The following CACNA1B variants were observed in gnomAD, a reference collection of about 807,000 sequenced individuals.
CACNA1B encodes the protein calcium voltage-gated channel subunit alpha1 B, also known as voltage-dependent N-type calcium channel subunit alpha-1B.
CACNA1B carries 70 observed loss-of-function variants against 247.2 expected under a neutral mutation model. The observed-to-expected ratio is 0.28, with a 90% confidence interval of 0.23 to 0.35. The LOEUF is 0.35. CACNA1B is among the 10% of genes least tolerant of loss of function. CACNA1B has a pLI of 1.00. For missense variants in CACNA1B, 2,367 were observed against 3,197.4 expected, an observed-to-expected ratio of 0.74 and a Z score of 6.26; for synonymous variants, 1,231 against 1,294.4, an observed-to-expected ratio of 0.95 and a Z score of 1.05.
At chr9:137,893,717 A>G (rs1279609133) in intron 3 of CACNA1B, among the ~76,000 whole-genome samples, 2 of 152,174 alleles carry the variant, frequency 1.3e-5, no homozygotes. Context: ...CTAATTATAG[A>G]TTCATAATAG....
intron 12 of CACNA1B, among the ~76,000 whole-genome samples, chr9:137,983,708 G>T (rs777795288): frequency 1.3e-5 from 2 of 152,148 alleles, no homozygotes; most frequent in East Asian, 3.8e-4. Context: ...TTGCTAGTCT[G>T]TGAGAGAACA....
intron 3 of CACNA1B, among the ~76,000 whole-genome samples, chr9:137,905,868 C>T (rs768068509): frequency 9.9e-5 from 15 of 152,210 alleles, no homozygotes; most frequent in Non-Finnish European, 1.5e-4. Context: ...ATGGAGGTGT[C>T]CTGCCCTTGT....
intron 6 of CACNA1B, among the ~76,000 whole-genome samples, chr9:137,921,180 A>G (rs1957472817): frequency 6.6e-6 from 1 of 152,256 alleles, no homozygotes; most frequent in African/African-American, 2.4e-5. Context: ...TCCAGCACTC[A>G]GAGGTCCAGT....
chr9:138,050,631 T>C lies in CACNA1B; in HGVS notation c.3710+1316T>C, dbSNP rs1481765901. 6.6e-6 allele frequency among the ~76,000 whole-genome samples: 1 copy of C among 151,914 alleles called. No individual in the cohort carries two copies. Among genetic ancestry groups the C allele is most frequent in the African/African-American group, 2.4e-5 (1 of 41,346 alleles). Reference sequence around the variant, plus strand: ...CCCCAGTCAGGAGGAGGGGAAGGGGTTGGGCCCATCCAGGCGGCTTCAGAG... The same window carrying C: ...CCCCAGTCAGGAGGAGGGGAAGGGGCTGGGCCCATCCAGGCGGCTTCAGAG... On this transcript the variant is annotated intron_variant, in intron 24 of 46. Transcript: ENST00000371372. This position sits in a 1 kb window ranked among gnomAD's most constrained non-coding sequence, Gnocchi z 5.2.
intron 6 of CACNA1B, among the ~76,000 whole-genome samples, chr9:137,920,687 G>A (rs1957467471): frequency 6.6e-6 from 1 of 152,314 alleles, no homozygotes; most frequent in South Asian, 2.1e-4. Flanking sequence ...TTATGATTAT[G>A]CACGTATGCT....
intron 20 of CACNA1B, among the ~76,000 whole-genome samples, chr9:138,027,327 A>G (rs1958933256): frequency 6.6e-6 from 1 of 152,094 alleles, no homozygotes; most frequent in African/African-American, 2.4e-5. Flanking sequence ...ATTAGTTTTT[A>G]TATGTTGATT....
intron 19 of CACNA1B, among the ~76,000 whole-genome samples, chr9:138,024,555 G>T (rs1396946219): frequency 6.6e-6 from 1 of 152,220 alleles, no homozygotes; most frequent in Non-Finnish European, 1.5e-5. Context: ...CAGAGTAGCA[G>T]AGCAGGTGGT....
At chr9:137,949,880 C>G (rs560604371) in intron 6 of CACNA1B, among the ~76,000 whole-genome samples, 3 of 152,166 alleles carry the variant, frequency 2.0e-5, no homozygotes, top group Admixed American at 6.5e-5. Context: ...GTGTACTTGA[C>G]CAAGTATCTG....
chr9:138,009,298 A>T (rs1178077041), intron 16 of CACNA1B, among the ~76,000 whole-genome samples: 3 of 152,242 alleles, frequency 2.0e-5, no homozygotes, highest in Non-Finnish European at 4.4e-5. Context: ...GGCAAGGTGC[A>T]GTCCCAGGAA....
Position 138,078,181 on chromosome 9 carries a change from C to G in CACNA1B, c.5017C>G (p.Gln1673Glu), listed in dbSNP as rs774233126. The change falls in exon 36 of 47, where the codon CAG becomes GAG. Residue 1673 changes from glutamine to glutamate, a missense_variant. Gln to Glu is a conservative substitution (Grantham distance 29). Transcript: ENST00000371372. Reference protein sequence around the residue: ...SCLSNQACDEQANATECGSDF... With the variant: ...SCLSNQACDEEANATECGSDF... ...CCTGAGCAACCAGGCCTGTGATGAG[C>G]AGGCCAATGCCACCGAGTGTGGAAG... The G allele has an allele frequency of 1.9e-6, 3 of 1,613,768 alleles. No individual in the cohort carries two copies. Among genetic ancestry groups the G allele is most frequent in the South Asian group, 1.1e-5 (1 of 91,086 alleles).
intron 44 of CACNA1B, 57 bp from the exon 45 acceptor site, chr9:138,120,108 G>C: frequency 7.0e-7 from 1 of 1,426,276 alleles, no homozygotes; most frequent in Non-Finnish European, 9.6e-7. Flanking sequence ...TTCCATGCCT[G>C]CATTCCCGCT....
intron 20 of CACNA1B, among the ~76,000 whole-genome samples, chr9:138,042,167 G>C (rs1959132103): frequency 6.6e-6 from 1 of 152,070 alleles, no homozygotes; most frequent in African/African-American, 2.4e-5. Flanking sequence ...TTTTGTTATT[G>C]TAAAAAAACT....
chr9:137,919,972 T>C lies in CACNA1B; in HGVS notation c.966+2541T>C, dbSNP rs923059875. Among the ~76,000 whole-genome samples, 4 of 152,168 alleles carry C rather than the reference T, an allele frequency of 2.6e-5. No homozygotes were observed. The highest frequency in any genetic ancestry group is 4.4e-5 in the Non-Finnish European group (3 of 68,032). Reference sequence around the variant, plus strand: ...GAGAGACGAGTCGGCAGTAAATTCCTGTTAGGTCCAGAGAGGTGAGATCAT... The same window carrying C: ...GAGAGACGAGTCGGCAGTAAATTCCCGTTAGGTCCAGAGAGGTGAGATCAT... On this transcript the variant is annotated intron_variant, in intron 6 of 46. Transcript: ENST00000371372. This position sits in a 1 kb window ranked among gnomAD's most constrained non-coding sequence, Gnocchi z 4.6.
intron 36 of CACNA1B, among the ~76,000 whole-genome samples, chr9:138,092,897 G>C (rs935239931): frequency 6.6e-6 from 1 of 152,198 alleles, no homozygotes; most frequent in African/African-American, 2.4e-5. Context: ...TGCACAGCCA[G>C]TGAAATAATC....
In CACNA1B at chr9:138,047,539, GA is replaced by G. The variant is rs1419338380; in HGVS notation, c.3603+83del. On this transcript the variant is annotated intron_variant, in intron 23 of 46. Transcript: ENST00000371372. ...TTGAGATGGGACCAGGGCAGTGGTT[GA>G]ACCACAATTTCTATAAACTCTTAAG... The G allele has an allele frequency of 4.1e-6, 4 of 964,612 alleles. No homozygotes were observed. The African/African-American group carries it at 6.4e-5, about 16-fold the overall frequency. The allele number at this position is 964,612 out of a possible 1,614,324, so 59.8% of individuals were successfully genotyped here.
At chr9:138,034,769 A>T (rs1010781828) in intron 20 of CACNA1B, among the ~76,000 whole-genome samples, 1 of 152,108 alleles carries the variant, frequency 6.6e-6, no homozygotes, top group Non-Finnish European at 1.5e-5. Flanking sequence ...TTTGCCTTAT[A>T]TATGATGTGC....
chr9:137,893,278 T>A (rs549745591), intron 3 of CACNA1B, among the ~76,000 whole-genome samples: 1 of 149,400 alleles, frequency 6.7e-6, no homozygotes, highest in South Asian at 2.1e-4. Flanking sequence ...AGGTTTATTA[T>A]GTGCTGGCTG....
Position 137,972,768 on chromosome 9 carries a change from G to A in CACNA1B, c.1543+1176G>A, listed in dbSNP as rs147383418. On this transcript the variant is annotated intron_variant, in intron 11 of 46. Coordinates refer to ENST00000371372, the MANE Select transcript of CACNA1B (RefSeq NM_000718.4). ...TCCCAAACTTGACATTGAAATCTAC[G>A]ACTTCCGAACGGGGAGATGGTGCGG... is the stretch of plus-strand genomic sequence containing the variant. 3.2e-3 allele frequency among the ~76,000 whole-genome samples: 493 copies of A among 152,292 alleles called. 4 individuals carry two copies. Among genetic ancestry groups the A allele is most frequent in the Non-Finnish European group, 4.7e-3 (318 of 68,028 alleles).
chr9:138,112,347 T>C, intron 39 of CACNA1B, 51 bp from the exon 40 acceptor site: 1 of 1,376,824 alleles, frequency 7.3e-7, no homozygotes, highest in Non-Finnish European at 1.0e-6. Flanking sequence ...GCTGCAGGGC[T>C]GCTCCTAACA....
Sources: allele counts gnomAD v4.1 joint callset (sites outside exome capture counted in the v4.1 genomes callset), GRCh38; gene constraint gnomAD v4.1.1; non-coding constraint Gnocchi (gnomAD v3.1); transcripts MANE v1.5; gene names NCBI Gene and HGNC (gene_info 2026-07-23, HGNC 2026-07-21).